GALNT11: variants seen among roughly 807,000 people sequenced by gnomAD.
The protein encoded by GALNT11 is UDP-GalNAc:polypeptide N-acetylgalactosaminyltransferase 11.
GALNT11 carries 47 observed loss-of-function variants against 72.7 expected under a neutral mutation model. The ratio of observed to expected loss-of-function variants is 0.65; its 90% confidence interval spans 0.51 to 0.82. GALNT11 has a LOEUF of 0.82. Among genes scored for constraint, GALNT11 ranks in the 40% least tolerant of loss-of-function variants. The pLI is 0.00. For synonymous variants in GALNT11, 270 were observed against 286.6 expected, an observed-to-expected ratio of 0.94 and a Z score of 0.58; for missense variants, 677 against 778.4, an observed-to-expected ratio of 0.87 and a Z score of 1.55.
intron 4 of GALNT11, 76 bp from the exon 5 acceptor site, chr7:152,105,169 A>G: frequency 2.7e-6 from 4 of 1,483,890 alleles, no homozygotes; most frequent in Non-Finnish European, 3.6e-6. Context: ...AGTACTAGAT[A>G]CAACTTTAGA....
At chr7:152,117,103 C>A in intron 8 of GALNT11, 54 bp from the exon 9 acceptor site, 1 of 1,471,924 alleles carries the variant, frequency 6.8e-7, no homozygotes, top group South Asian at 1.3e-5. Flanking sequence ...ATAGTTGTAT[C>A]ATCATTTTTA....
intron 1 of GALNT11, among the ~76,000 whole-genome samples, chr7:152,073,884 T>C (rs10275159): frequency 0.057 from 8,619 of 152,288 alleles, 835 homozygotes; most frequent in African/African-American, 0.2. Context: ...TCTGATTTGC[T>C]GTTCCTTGAT....
Position 152,100,912 on chromosome 7 carries a change from G to T in GALNT11, c.410G>T (p.Arg137Met), listed in dbSNP as rs771577564. ...LGYHRDVPDTRNAACKEKFYP... is the reference protein window; with the variant it reads ...LGYHRDVPDTMNAACKEKFYP... ...TACCACAGAGATGTGCCAGACACAA[G>T]GAATGCAGCGTATGTGCCTTATCGG... Residue 137 changes from arginine to methionine, a missense_variant, in exon 3 of 12, where the codon AGG (arginine) becomes ATG (methionine). Transcript: ENST00000430044. 1 of 1,613,646 alleles carries T rather than the reference G, an allele frequency of 6.2e-7. No individual in the cohort carries two copies. Among genetic ancestry groups the T allele is most frequent in the East Asian group, 2.2e-5 (1 of 44,874 alleles).
intron 1 of GALNT11, among the ~76,000 whole-genome samples, chr7:152,049,071 T>C (rs2083274477): frequency 6.6e-6 from 1 of 150,714 alleles, no homozygotes; most frequent in South Asian, 2.1e-4. Context: ...ACAGCTATCT[T>C]GAATTATTTT....
intron 1 of GALNT11, among the ~76,000 whole-genome samples, chr7:152,028,782 G>A (rs1309524111): frequency 6.6e-6 from 1 of 152,170 alleles, no homozygotes; most frequent in African/African-American, 2.4e-5. Context: ...CCCTGCAATT[G>A]TAGTGTCCTC....
chr7:152,049,344 A>T (rs1425693787), intron 1 of GALNT11, among the ~76,000 whole-genome samples: 1 of 152,240 alleles, frequency 6.6e-6, no homozygotes, highest in Non-Finnish European at 1.5e-5. Flanking sequence ...TCTGCCTTAG[A>T]TGACACCCCA....
intron 2 of GALNT11, among the ~76,000 whole-genome samples, chr7:152,100,334 G>A (rs746771080): frequency 3.9e-5 from 6 of 151,946 alleles, no homozygotes; most frequent in Admixed American, 3.3e-4. Flanking sequence ...TTGGGAGGCC[G>A]AGGTGGGCAG....
chr7:152,107,650 T>C (rs2087727335), intron 5 of GALNT11: 2 of 169,820 alleles, frequency 1.2e-5, no homozygotes, highest in African/African-American at 4.7e-5. Context: ...GTAATAAAAA[T>C]ACCTACATAC....
At chr7:152,087,984 A>T (rs1223599932) in intron 1 of GALNT11, among the ~76,000 whole-genome samples, 1 of 152,246 alleles carries the variant, frequency 6.6e-6, no homozygotes, top group Admixed American at 6.5e-5. Context: ...TCTTTTCATT[A>T]TACCATTGAT....
intron 2 of GALNT11, among the ~76,000 whole-genome samples, chr7:152,096,813 A>AT (rs1456048677): frequency 3.9e-5 from 6 of 152,084 alleles, no homozygotes; most frequent in African/African-American, 1.4e-4. Context: ...CAGAATATAT[A>AT]AAGAATGCTT....
At chr7:152,100,670 T>C in intron 2 of GALNT11, 128 bp from the exon 3 acceptor site, 1 of 1,191,966 alleles carries the variant, frequency 8.4e-7, no homozygotes, top group South Asian at 1.5e-5. Flanking sequence ...AGAGACAACC[T>C]AAGTTTGAGA....
At chr7:152,120,587 A>G (rs116806974) in intron 10 of GALNT11, 96 of 433,560 alleles carry the variant, frequency 2.2e-4, no homozygotes, top group African/African-American at 1.7e-3. Context: ...GAGTTAATTC[A>G]GTCAAATTCA....
At chr7:152,067,986 A>C in intron 1 of GALNT11, among the ~76,000 whole-genome samples, 1 of 152,086 alleles carries the variant, frequency 6.6e-6, no homozygotes, top group East Asian at 1.9e-4. Context: ...ACATACTTTT[A>C]AATGACCAGA....
intron 4 of GALNT11, chr7:152,103,705 A>G (rs568598627): frequency 1.3e-4 from 21 of 157,022 alleles, no homozygotes; most frequent in Non-Finnish European, 2.5e-4. Flanking sequence ...AATGATACAG[A>G]ACTGTTTCCT....
intron 1 of GALNT11, among the ~76,000 whole-genome samples, chr7:152,078,799 AT>A (rs1459042454): frequency 3.3e-5 from 5 of 152,162 alleles, no homozygotes; most frequent in African/African-American, 1.2e-4. Context: ...AAAAATTTTG[AT>A]TGGACAAAAA....
intron 2 of GALNT11, among the ~76,000 whole-genome samples, chr7:152,095,819 A>G (rs546958959): frequency 2.0e-5 from 3 of 152,332 alleles, no homozygotes; most frequent in Non-Finnish European, 4.4e-5. Flanking sequence ...AATTGTAGAT[A>G]TTGAATAACA....
chr7:152,057,222 A>T (rs891461046), intron 1 of GALNT11, among the ~76,000 whole-genome samples: 13 of 149,422 alleles, frequency 8.7e-5, no homozygotes, highest in South Asian at 4.2e-4. Context: ...AATAGATTTT[A>T]AAAAATCTAT....
chr7:152,087,580 C>G (rs1367543568), intron 1 of GALNT11, among the ~76,000 whole-genome samples: 1 of 152,164 alleles, frequency 6.6e-6, no homozygotes, highest in Non-Finnish European at 1.5e-5. Context: ...TATGTTAAGT[C>G]TAGATCTAAT....
At chr7:152,064,250 C>T (rs2084181576) in intron 1 of GALNT11, among the ~76,000 whole-genome samples, 1 of 152,162 alleles carries the variant, frequency 6.6e-6, no homozygotes, top group African/African-American at 2.4e-5. Context: ...GGTTTAAAGT[C>T]TGTTTTATCA....
Sources: allele counts gnomAD v4.1 joint callset (sites outside exome capture counted in the v4.1 genomes callset), GRCh38; gene constraint gnomAD v4.1.1; transcripts MANE v1.5; gene names NCBI Gene and HGNC (gene_info 2026-07-23, HGNC 2026-07-21).